The following WRN variants were observed in gnomAD, a reference collection of about 807,000 sequenced individuals.
The protein encoded by WRN is bifunctional 3'-5' exonuclease/ATP-dependent helicase WRN.
WRN carries 149 observed loss-of-function variants against 180.7 expected under a neutral mutation model. The ratio of observed to expected loss-of-function variants is 0.82; its 90% confidence interval spans 0.72 to 0.94. WRN has a LOEUF of 0.94. Ranked by LOEUF, WRN falls within the 40% of genes least tolerant of loss-of-function variation. WRN has a pLI of 0.00. For synonymous variants in WRN, 548 were observed against 568.9 expected (o/e 0.96, Z 0.52); for missense variants, 1,661 against 1,700.1 (o/e 0.98, Z 0.40).
chr8:31,072,451 A>G (rs1022674054), intron 7 of WRN, among the ~76,000 whole-genome samples: 30 of 152,148 alleles, frequency 2.0e-4, no homozygotes, highest in Admixed American at 1.4e-3. Flanking sequence ...TAGCAAGAGA[A>G]TGAGGTGGGT....
At chr8:31,090,376 A>G (rs1279288139) in intron 13 of WRN, 89 bp from the exon 14 acceptor site, 3 of 1,250,994 alleles carry the variant, frequency 2.4e-6, no homozygotes, top group African/African-American at 1.5e-5. Flanking sequence ...AAATTCTATG[A>G]GAGGAAATGA....
chr8:31,035,298 G>A (rs911313330), intron 1 of WRN, among the ~76,000 whole-genome samples: 2 of 151,964 alleles, frequency 1.3e-5, no homozygotes, highest in Non-Finnish European at 2.9e-5. Flanking sequence ...GTGGGTGGGG[G>A]GCTGTAGGGA....
chr8:31,099,553 T>G (rs945317232), intron 17 of WRN, among the ~76,000 whole-genome samples: 20 of 151,188 alleles, frequency 1.3e-4, no homozygotes, highest in South Asian at 2.1e-4. Flanking sequence ...TAGGTTTTTT[T>G]TTTGTTTGTT....
At chr8:31,131,169 T>TTTTTTTTTTTTTTTTTTTG (rs1802153775) in intron 23 of WRN, among the ~76,000 whole-genome samples, 1 of 148,668 alleles carries the variant, frequency 6.7e-6, no homozygotes, top group African/African-American at 2.5e-5. Context: ...TCTTTTTTTT[T>TTTTTTTTTTTTTTTTTTTG]GAGACAGAGT....
At position 31,173,303 on chromosome 8, in the gene WRN, ACAT is replaced by A; in HGVS notation, c.*204_*206del. The A allele has an allele frequency of 3.5e-6, 2 of 570,248 alleles. No homozygotes were observed. Among genetic ancestry groups the A allele is most frequent in the East Asian group, 3.0e-5 (1 of 33,546 alleles). The allele number at this position is 570,248 out of a possible 1,614,324, so 35.3% of individuals were successfully genotyped here. A position where few individuals can be genotyped will look rare whatever the true frequency, so the allele number is the denominator to read the frequency against. On this transcript the variant is annotated 3_prime_UTR_variant, in exon 35 of 35. Transcript: ENST00000298139. ...GGGTCTTCTGGGAGCCTACGTGAGT[ACAT>A]CACCTAACAGAATATTAAATTAGAC...
At chr8:31,052,887 G>T (rs915867804) in intron 1 of WRN, among the ~76,000 whole-genome samples, 5 of 152,050 alleles carry the variant, frequency 3.3e-5, no homozygotes, top group African/African-American at 1.2e-4. Flanking sequence ...TACCTCGCTG[G>T]GTTGCTGAGG....
At chr8:31,113,004 G>A (rs1454239839) in intron 19 of WRN, among the ~76,000 whole-genome samples, 3 of 151,878 alleles carry the variant, frequency 2.0e-5, no homozygotes, top group Non-Finnish European at 2.9e-5. Context: ...CCAGGAGTTC[G>A]AGACCAGCCT....
At chr8:31,131,668 C>T (rs182711449) in intron 23 of WRN, 51 of 153,270 alleles carry the variant, frequency 3.3e-4, no homozygotes, top group Non-Finnish European at 5.3e-4. Flanking sequence ...ATTGGCAAAC[C>T]GTGCCCCTTA....
intron 18 of WRN, among the ~76,000 whole-genome samples, chr8:31,105,187 A>T (rs982495167): frequency 1.3e-5 from 2 of 152,210 alleles, no homozygotes; most frequent in Non-Finnish European, 2.9e-5. Context: ...AGCTCCAATG[A>T]TGTGGCTGGC....
rs1813090219 is a variant in WRN at position 31,076,265 on chromosome 8, A to G, written c.817A>G (p.Ser273Gly). ...DLAKHLPHAF[S>G]KLENPRRVSI... ...GGCTAAGCATCTTCCTCATGCTTTC[A>G]GTAAATTGGAAAACCCACGGAGGTT... is the stretch of plus-strand genomic sequence containing the variant. The change falls in exon 8 of 35, where the codon AGT becomes GGT. Residue 273 changes from serine to glycine, a missense_variant. Coordinates refer to ENST00000298139, the MANE Select transcript of WRN (RefSeq NM_000553.6). The G allele has an allele frequency of 6.2e-7, 1 of 1,613,602 alleles. No homozygotes were observed. Among genetic ancestry groups the G allele is most frequent in the Non-Finnish European group, 8.5e-7 (1 of 1,179,848 alleles).
At chr8:31,149,185 T>C (rs1585525176) in intron 30 of WRN, among the ~76,000 whole-genome samples, 2 of 151,910 alleles carry the variant, frequency 1.3e-5, no homozygotes, top group East Asian at 2.0e-4. Context: ...ATCACGAGGT[T>C]AGGAGATCGA....
chr8:31,074,290 T>G (rs182797316), intron 7 of WRN, among the ~76,000 whole-genome samples: 16 of 151,994 alleles, frequency 1.1e-4, no homozygotes, highest in African/African-American at 3.9e-4. Context: ...TTGCAGTTGG[T>G]TTGGGAGGAA....
At chr8:31,077,794 A>G (rs1184463949) in intron 8 of WRN, among the ~76,000 whole-genome samples, 2 of 152,256 alleles carry the variant, frequency 1.3e-5, no homozygotes, top group Non-Finnish European at 2.9e-5. Flanking sequence ...TTATTTGGGA[A>G]GCAAGAATTA....
chr8:31,057,291 G>C (rs1812307967), intron 1 of WRN, among the ~76,000 whole-genome samples: 1 of 151,964 alleles, frequency 6.6e-6, no homozygotes, highest in African/African-American at 2.4e-5. Context: ...CCTGGGCCGG[G>C]CGTGGTGGCT....
intron 30 of WRN, among the ~76,000 whole-genome samples, chr8:31,149,984 G>A (rs762390515): frequency 4.6e-5 from 7 of 152,064 alleles, no homozygotes; most frequent in Non-Finnish European, 5.9e-5. Flanking sequence ...CCTCTTAGTT[G>A]TTCCCAGTTA....
chr8:31,051,347 A>G (rs1037964653), intron 1 of WRN, among the ~76,000 whole-genome samples: 8 of 152,082 alleles, frequency 5.3e-5, no homozygotes, highest in South Asian at 2.1e-4. Context: ...GTGAATTTCT[A>G]CTCTATCAAG....
intron 18 of WRN, among the ~76,000 whole-genome samples, chr8:31,104,635 T>C (rs1801018816): frequency 6.6e-6 from 1 of 152,212 alleles, no homozygotes; most frequent in Admixed American, 6.5e-5. Flanking sequence ...TGTTACAGTT[T>C]TATGTTTTAA....
chr8:31,132,293 T>C, intron 23 of WRN, 72 bp from the exon 24 acceptor site: 7 of 1,548,684 alleles, frequency 4.5e-6, no homozygotes, highest in Non-Finnish European at 6.1e-6. Flanking sequence ...CTAATTGTTA[T>C]GCTAAATCTT....
At chr8:31,103,283 T>A (rs1165790852) in intron 18 of WRN, among the ~76,000 whole-genome samples, 2 of 152,182 alleles carry the variant, frequency 1.3e-5, no homozygotes. Flanking sequence ...TGGAAAAGGG[T>A]ATAGGTAAAT....
Sources: gnomAD v4.1 joint callset for allele counts (sites outside exome capture counted in the v4.1 genomes callset) on GRCh38, gnomAD v4.1.1 for gene constraint, MANE v1.5 for transcripts, NCBI Gene and HGNC (gene_info 2026-07-23, HGNC 2026-07-21) for gene names.